Variants in REXO2 observed in about 807,000 individuals in gnomAD.
REXO2 encodes oligoribonuclease, mitochondrial.
REXO2 carries 17 observed loss-of-function variants against 30.9 expected under a neutral mutation model. The ratio of observed to expected loss-of-function variants is 0.55; its 90% CI spans 0.38 to 0.82. The LOEUF (loss-of-function observed/expected upper bound fraction) is 0.82, where lower values mean the gene tolerates loss of function less well. Ranked by LOEUF, REXO2 falls within the 40% of genes least tolerant of loss-of-function variation. REXO2 has a pLI of 0.00. For synonymous variants in REXO2, 105 were observed against 99.6 expected (o/e 1.05, Z -0.32); for missense variants, 253 against 293.2 (o/e 0.86, Z 1.00).
At chr11:114,440,535 T>C (rs1397908481) in intron 1 of REXO2, 121 bp from the exon 2 acceptor site, 1 of 711,404 alleles carries the variant, frequency 1.4e-6, no homozygotes, top group Non-Finnish European at 2.4e-6. Context: ...ATTCTTTCTC[T>C]TCTGTTTCGG....
intron 4 of REXO2, chr11:114,445,495 G>T (rs1479103551): frequency 6.5e-6 from 1 of 154,646 alleles, no homozygotes; most frequent in Middle Eastern, 3.4e-3. Context: ...TGTTTTAAAG[G>T]TCTCATTTAA....
At chr11:114,447,419 G>T (rs1946516518) in intron 5 of REXO2, among the ~76,000 whole-genome samples, 1 of 152,204 alleles carries the variant, frequency 6.6e-6, no homozygotes, top group African/African-American at 2.4e-5. Context: ...TTTGGTGGAT[G>T]ATGGCAGTGT....
At position 114,449,966 on chromosome 11, in the gene REXO2, C is replaced by G. The variant is rs201286910; in HGVS notation, c.705C>G (p.Thr235=). The change falls in exon 7 of 7, where the codon ACC becomes ACG. Residue 235 remains threonine, a synonymous_variant. Transcript: ENST00000265881. ...TAGAAAATGGGGAAAATGAGAAGAC[C>G]GTGAGTTGATGCCAGTTATCATGCT... is the stretch of plus-strand genomic sequence containing the variant. ...KIIENGENEK[T]VS is the part of the protein sequence containing the mutation. 2 of 1,597,838 alleles carry G rather than the reference C, an allele frequency of 1.3e-6. No homozygotes were observed. The highest frequency in any genetic ancestry group is 1.7e-6 in the Non-Finnish European group (2 of 1,172,646).
At chr11:114,442,769 A>G (rs1037285185) in intron 2 of REXO2, among the ~76,000 whole-genome samples, 36 of 152,332 alleles carry the variant, frequency 2.4e-4, no homozygotes, top group African/African-American at 8.7e-4. Flanking sequence ...TGCCGTAGCT[A>G]CTGTTAACTG....
chr11:114,440,981 T>C, intron 2 of REXO2: 1 of 393,146 alleles, frequency 2.5e-6, no homozygotes, highest in African/African-American at 2.1e-5. Context: ...GAAACATAAA[T>C]TCTGTCGTTT....
chr11:114,440,085 C>T (rs1421021341), intron 1 of REXO2: 2 of 474,292 alleles, frequency 4.2e-6, no homozygotes, highest in African/African-American at 2.0e-5. Flanking sequence ...ATGACTCAGC[C>T]TTACCCCTCA....
intron 1 of REXO2, 198 bp downstream of exon 1, chr11:114,439,873 C>A: frequency 1.6e-6 from 1 of 622,704 alleles, no homozygotes; most frequent in Non-Finnish European, 2.7e-6. Context: ...CGCTGTAGGG[C>A]TTCTTTCCAC....
At chr11:114,440,798 C>A (rs1946471519) in intron 2 of REXO2, 59 bp downstream of exon 2, 12 of 1,253,882 alleles carry the variant, frequency 9.6e-6, no homozygotes, top group Non-Finnish European at 1.3e-5. Context: ...ATATAACCAT[C>A]ATTTTTTCCA....
chr11:114,444,506 G>A lies in REXO2; in HGVS notation c.310-35G>A, dbSNP rs778011056. 2.5e-5 allele frequency: 37 copies of A among 1,496,034 alleles called. 1 individual carries two copies. The Admixed American group carries it at 6.1e-4, about 25-fold the overall frequency. The allele number at this position is 1,496,034 out of a possible 1,614,324, so 92.7% of individuals were successfully genotyped here. Reference sequence around the variant, plus strand: ...GCCTTTGAAAACTGACTTTACATGTGTTTTTGGTGGGGGGCTGGGGATTCT... The same window carrying A: ...GCCTTTGAAAACTGACTTTACATGTATTTTTGGTGGGGGGCTGGGGATTCT... On this transcript the variant is annotated intron_variant, in intron 3 of 6. Transcript: ENST00000265881.
In REXO2 at chr11:114,443,912, G is replaced by A; in HGVS notation, c.288G>A (p.Trp96Ter). The A allele has an allele frequency of 6.2e-7, 1 of 1,608,870 alleles. No individual in the cohort carries two copies. The change falls in exon 3 of 7, where the codon TGG becomes TGA. Residue 96 changes from tryptophan (W) to a stop codon, truncating the protein, a stop_gained. Coordinates refer to ENST00000265881, the MANE Select transcript of REXO2 (RefSeq NM_015523.4). LOFTEE classifies it high-confidence loss of function. ...PDELLDSMSD[W>*]CKEHHGKSGL... The stretch of plus-strand genomic sequence containing the variant: ...AGTTGCTGGACAGCATGTCAGATTG[G>A]TGTAAGGAGCATCACGGGAAGGTAA...
At position 114,439,643 on chromosome 11, in the gene REXO2, AT is replaced by A; in HGVS notation, c.116del (p.Met39ArgfsTer12). ...CGCAGCCATGGCGGCAGGGGAGAGC[AT>A]GGCTCAGCGGATGGTCTGGGTGGAC... Reference protein sequence around the residue: ...GGAAMAAGESMAQRMVWVDLE... With the variant: ...GGAAMAAGESXAQRMVWVDLE... On this transcript the variant is annotated frameshift_variant, in exon 1 of 7. Transcript: ENST00000265881. LOFTEE classifies it high-confidence loss of function. The A allele has an allele frequency of 6.3e-7, 1 of 1,589,452 alleles. No homozygotes were observed. Among genetic ancestry groups the A allele is most frequent in the Non-Finnish European group, 8.5e-7 (1 of 1,170,422 alleles).
At chr11:114,442,666 T>C (rs1946486284) in intron 2 of REXO2, among the ~76,000 whole-genome samples, 1 of 152,206 alleles carries the variant, frequency 6.6e-6, no homozygotes, top group African/African-American at 2.4e-5. Flanking sequence ...ATCTATAATT[T>C]CTTTTATCCT....
At chr11:114,443,666 G>A (rs1946494536) in intron 2 of REXO2, among the ~76,000 whole-genome samples, 190 bp from the exon 3 acceptor site, 1 of 152,112 alleles carries the variant, frequency 6.6e-6, no homozygotes, top group Non-Finnish European at 1.5e-5. Flanking sequence ...TTTCAGTGGT[G>A]TGTGTATGTT....
chr11:114,447,903 T>A, intron 6 of REXO2, 24 bp downstream of exon 6: 1 of 1,602,026 alleles, frequency 6.2e-7, no homozygotes, highest in Non-Finnish European at 8.5e-7. Context: ...CTACCAAGCG[T>A]TTTCCAGTCT....
intron 4 of REXO2, 120 bp downstream of exon 4, chr11:114,444,772 C>T (rs1043249692): frequency 6.2e-6 from 3 of 486,572 alleles, no homozygotes; most frequent in Non-Finnish European, 1.0e-5. Context: ...CTTTGGGTTA[C>T]ACATCTTAAC....
Position 114,449,849 on chromosome 11 carries a change from A to T in REXO2, c.588A>T (p.Ala196=). 1 of 1,608,470 alleles carries T rather than the reference A, an allele frequency of 6.2e-7. No individual in the cohort carries two copies. The highest frequency in any genetic ancestry group is 8.5e-7 in the Non-Finnish European group (1 of 1,177,324). Reference sequence around the variant, plus strand: ...ATTGTGGTATGTTTGCTTATAGGGCACTTGATGACATTAGTGAAAGCATCA... The same window carrying T: ...ATTGTGGTATGTTTGCTTATAGGGCTCTTGATGACATTAGTGAAAGCATCA... ...FAPKKAASHR[A]LDDISESIKE... The change falls in exon 7 of 7, where the codon GCA becomes GCT. Residue 196 remains alanine, a synonymous_variant. Transcript: ENST00000265881.
Position 114,444,568 on chromosome 11 carries a change from A to G in REXO2, c.337A>G (p.Ser113Gly). The change falls in exon 4 of 7, where the codon AGT becomes GGT. Residue 113 changes from serine (S) to glycine (G), a missense_variant. Ser to Gly is a moderately conservative substitution (Grantham distance 56, BLOSUM62 0). Transcript: ENST00000265881. Reference protein sequence around the residue: ...KSGLTKAVKESTITLQQAEYE... With the variant: ...KSGLTKAVKEGTITLQQAEYE... ...TGGCCTTACCAAGGCAGTGAAGGAG[A>G]GTACAATTACATTGCAGCAGGCAGA... 1 of 1,612,350 alleles carries G rather than the reference A, an allele frequency of 6.2e-7. No homozygotes were observed. The highest frequency in any genetic ancestry group is 8.5e-7 in the Non-Finnish European group (1 of 1,179,518).
intron 2 of REXO2, chr11:114,441,694 G>A: frequency 1.4e-6 from 1 of 701,842 alleles, no homozygotes; most frequent in Non-Finnish European, 2.6e-6. Flanking sequence ...ACTGGCACTG[G>A]ATACATTTCG....
chr11:114,442,166 A>C (rs1946483129), intron 2 of REXO2, among the ~76,000 whole-genome samples: 1 of 152,088 alleles, frequency 6.6e-6, no homozygotes, highest in South Asian at 2.1e-4. Context: ...TGTTAAAAAA[A>C]AAAAAAAAGC....
Sources: allele counts gnomAD v4.1 joint callset (sites outside exome capture counted in the v4.1 genomes callset), GRCh38; gene constraint gnomAD v4.1.1; transcripts MANE v1.5; gene names NCBI Gene and HGNC (gene_info 2026-07-23, HGNC 2026-07-21).